The following OCA2 variants were observed in gnomAD, a reference collection of about 807,000 sequenced individuals.
OCA2 encodes the protein P protein.
A neutral mutation model predicts 100.2 loss-of-function variants in OCA2; 77 were observed. That is an observed-to-expected ratio of 0.77 (90% CI 0.64 to 0.93). The LOEUF (loss-of-function observed/expected upper bound fraction) is 0.93. Ranked by LOEUF, OCA2 falls within the 40% of genes least tolerant of loss-of-function variation. The pLI is 0.00. For synonymous variants in OCA2, 432 were observed against 439.2 expected, an observed-to-expected ratio of 0.98 and a Z score of 0.21; for missense variants, 1,062 against 1,089.1, an observed-to-expected ratio of 0.98 and a Z score of 0.35.
rs192408473 is a variant in OCA2, at chr15:27,797,504, G to A, written c.2433-42032C>T. Among the ~76,000 whole-genome samples the A allele has an allele frequency of 1.5e-4, 23 of 152,260 alleles. No individual in the cohort carries two copies. In the East Asian group the frequency reaches 1.9e-3, roughly 13 times the overall value. ...CTGTTCCAGTTCATGGGCGGCAGGC[G>A]TGTTCAGAAACACAGCAGGCAGAGG... On this transcript the variant is annotated intron_variant, in intron 23 of 23. Transcript: ENST00000354638.
At chr15:27,977,274 TTTTAG>T (rs1336881170) in intron 14 of OCA2, among the ~76,000 whole-genome samples, 5 of 152,300 alleles carry the variant, frequency 3.3e-5, no homozygotes, top group African/African-American at 9.6e-5. Flanking sequence ...TTCTGCTTAC[TTTTAG>T]TTTAATTTCT....
chr15:27,755,300 T>C lies in OCA2; in HGVS notation c.*88A>G. ...CTCCAGGGTAAGCACCTTTTCTTCT[T>C]CAAACAGTGGGGTCAGGGTAGTTTT... On this transcript the variant is annotated 3_prime_UTR_variant, in exon 24 of 24. Coordinates refer to ENST00000354638, the MANE Select transcript of OCA2 (RefSeq NM_000275.3). 1.0e-6 allele frequency: 1 copy of C among 966,618 alleles called. No homozygotes were observed. Among genetic ancestry groups the C allele is most frequent in the Non-Finnish European group, 1.7e-6 (1 of 599,542 alleles). 59.9% of individuals were successfully genotyped at this position (966,618 alleles called of 1,614,324 possible).
intron 23 of OCA2, among the ~76,000 whole-genome samples, chr15:27,832,456 C>G (rs927245294): frequency 6.6e-6 from 1 of 152,232 alleles, no homozygotes; most frequent in Non-Finnish European, 1.5e-5. Flanking sequence ...GTCTCCCTCC[C>G]CCGGGTGCCT....
Position 28,018,507 on chromosome 15 carries a change from C to A in OCA2, c.697G>T (p.Ala233Ser), listed in dbSNP as rs931211906. The A allele has an allele frequency of 4.3e-6, 7 of 1,613,732 alleles. No homozygotes were observed. The highest frequency in any genetic ancestry group is 1.7e-5 in the Admixed American group (1 of 60,010). The change falls in exon 7 of 24, where the codon GCA becomes TCA. Residue 233 changes from alanine (A) to serine (S), a missense_variant. Physicochemically the swap from Ala to Ser is moderately conservative, Grantham distance 99 (BLOSUM62 1). Coordinates refer to ENST00000354638, the MANE Select transcript of OCA2 (RefSeq NM_000275.3). Reference protein sequence around the residue: ...VDSTLLQVDLAGALVASGPSR... With the variant: ...VDSTLLQVDLSGALVASGPSR... ...GGCCCACTGGCCACTAGGGCCCCTGCCAGGTCCACCTGCAGCAGCGTGGAG... is the reference window on the plus strand; with the variant it reads ...GGCCCACTGGCCACTAGGGCCCCTGACAGGTCCACCTGCAGCAGCGTGGAG...
chr15:27,992,808 G>A (rs574058231), intron 9 of OCA2, among the ~76,000 whole-genome samples: 13 of 152,232 alleles, frequency 8.5e-5, no homozygotes, highest in East Asian at 5.8e-4. Flanking sequence ...TTGTCTGGAC[G>A]GAAAGGAGAC....
intron 23 of OCA2, among the ~76,000 whole-genome samples, chr15:27,778,429 A>T (rs1325659627): frequency 6.6e-6 from 1 of 152,190 alleles, no homozygotes; most frequent in African/African-American, 2.4e-5. Flanking sequence ...GGTCACTCCG[A>T]GAGGAGGTTT....
chr15:27,912,033 G>A (rs1182798608), intron 19 of OCA2, among the ~76,000 whole-genome samples: 2 of 152,162 alleles, frequency 1.3e-5, no homozygotes, highest in Non-Finnish European at 2.9e-5. Flanking sequence ...TGTATGCTAG[G>A]AATTGAACAA....
rs952962351 is a variant in OCA2 at position 27,938,933 on chromosome 15, C to A, written c.1952-12679G>T. 4.6e-5 allele frequency among the ~76,000 whole-genome samples: 7 copies of A among 152,266 alleles called. No homozygotes were observed. In the East Asian group the frequency reaches 5.8e-4, roughly 13 times the overall value. On this transcript the variant is annotated intron_variant, in intron 18 of 23. Coordinates refer to ENST00000354638, the MANE Select transcript of OCA2 (RefSeq NM_000275.3). ...GGAGAAGACAGCTCACATACAACTG[C>A]CGTGATGGACCTGTGACGGCTATGC...
rs78060625 is a variant in OCA2, at chr15:27,880,401, G to A, written c.2080-8479C>T. ...TCCAATTCTGTGAAGAATGTCAATG[G>A]TAGTTTAATGGGAATAGCATTGAAT... On this transcript the variant is annotated intron_variant, in intron 19 of 23. Transcript: ENST00000354638. Among the ~76,000 whole-genome samples the A allele has an allele frequency of 1.3e-3, 204 of 152,252 alleles. 2 individuals are homozygous for A. In the East Asian group the frequency reaches 0.025, roughly 19 times the overall value.
chr15:27,795,196 C>T (rs3930739), intron 23 of OCA2, among the ~76,000 whole-genome samples: 86,489 of 152,030 alleles, frequency 0.57, 27,664 homozygotes, highest in African/African-American at 0.87. Context: ...AGCACATTTC[C>T]GTAGCGTCTG....
intron 23 of OCA2, among the ~76,000 whole-genome samples, chr15:27,804,033 A>G (rs2033723222): frequency 6.6e-6 from 1 of 152,362 alleles, no homozygotes; most frequent in African/African-American, 2.4e-5. Flanking sequence ...CATATGTGAA[A>G]ACTTATCAAA....
intron 5 of OCA2, 100 bp downstream of exon 5, chr15:28,024,745 G>A: frequency 8.2e-7 from 1 of 1,215,990 alleles, no homozygotes; most frequent in Non-Finnish European, 1.2e-6. Flanking sequence ...AGAGGGCCAG[G>A]CACTGAGCCC....
chr15:27,832,241 C>G (rs2034990129), intron 23 of OCA2, among the ~76,000 whole-genome samples: 1 of 152,220 alleles, frequency 6.6e-6, no homozygotes, highest in African/African-American at 2.4e-5. Flanking sequence ...CCCCTTTCCC[C>G]ACCTGCCCTG....
chr15:27,768,775 C>T (rs915945152), intron 23 of OCA2, among the ~76,000 whole-genome samples: 1 of 152,172 alleles, frequency 6.6e-6, no homozygotes, highest in Admixed American at 6.5e-5. Context: ...TGGCAGCCCC[C>T]GTTCACAGTG....
rs749837234 is a variant in OCA2 at position 27,966,861 on chromosome 15, C to T, written c.1504-39G>A. ...AGGGGAAATGAAATGGCAGCCCAGG[C>T]ATGGTGGCTCACGCCTGTAATCCCA... On this transcript the variant is annotated intron_variant, in intron 14 of 23. Transcript: ENST00000354638. 1.2e-5 allele frequency: 19 copies of T among 1,581,508 alleles called. No homozygotes were observed. The East Asian group carries it at 1.6e-4, about 13-fold the overall frequency.
chr15:27,727,478 C>A, the OCA2 span, among the ~76,000 whole-genome samples: 1 of 152,150 alleles, frequency 6.6e-6, no homozygotes, highest in Non-Finnish European at 1.5e-5. Context: ...GAAGAGAACA[C>A]CGAAGGTGCA....
intron 19 of OCA2, among the ~76,000 whole-genome samples, chr15:27,923,861 T>C (rs1319423913): frequency 2.0e-5 from 3 of 152,214 alleles, no homozygotes; most frequent in Non-Finnish European, 4.4e-5. Context: ...GCTCTTTAGT[T>C]TAATAGATCC....
chr15:27,993,245 T>C (rs1335081821), intron 9 of OCA2, among the ~76,000 whole-genome samples: 1 of 152,012 alleles, frequency 6.6e-6, no homozygotes, highest in African/African-American at 2.4e-5. Context: ...CTGGATTAAG[T>C]GCTCTACACA....
intron 2 of OCA2, among the ~76,000 whole-genome samples, chr15:28,080,689 T>A (rs893975588): frequency 2.6e-5 from 4 of 152,242 alleles, no homozygotes; most frequent in African/African-American, 9.6e-5. Flanking sequence ...CCATCAGTAC[T>A]GCAGGGGTCG....
Sources: allele counts gnomAD v4.1 joint callset (sites outside exome capture counted in the v4.1 genomes callset), GRCh38; gene constraint gnomAD v4.1.1; transcripts MANE v1.5; gene names NCBI Gene and HGNC (gene_info 2026-07-23, HGNC 2026-07-21).